Variants in BNC2 observed in about 807,000 individuals in gnomAD.
The protein encoded by BNC2 is zinc finger protein basonuclin-2.
Under a neutral mutation model 76.3 loss-of-function variants are expected in BNC2, and 20 were observed. The ratio of observed to expected loss-of-function variants is 0.26; its 90% CI spans 0.18 to 0.38. The LOEUF (loss-of-function observed/expected upper bound fraction) is 0.38. Among genes scored for constraint, BNC2 ranks in the 10% least tolerant of loss-of-function variants. The pLI is 1.00. For missense variants in BNC2, 1,382 were observed against 1,399.8 expected (o/e 0.99, Z 0.20); for synonymous variants, 582 against 514.8 (o/e 1.13, Z -1.77).
At chr9:16,869,834 T>C (rs541364942) in intron 1 of BNC2, among the ~76,000 whole-genome samples, 12 of 152,172 alleles carry the variant, frequency 7.9e-5, no homozygotes, top group Non-Finnish European at 1.6e-4. Flanking sequence ...ACTTGGAACT[T>C]TTTTTCAACC....
chr9:16,759,502 A>G (rs990277057), intron 1 of BNC2, among the ~76,000 whole-genome samples: 2 of 152,186 alleles, frequency 1.3e-5, no homozygotes, highest in Non-Finnish European at 2.9e-5. Context: ...CACTATCTAT[A>G]TGACTCAGTG....
chr9:16,419,783 TA>T, intron 6 of BNC2, 134 bp from the exon 7 acceptor site: 1 of 676,736 alleles, frequency 1.5e-6, no homozygotes, highest in Non-Finnish European at 2.6e-6. Flanking sequence ...TACACCATTA[TA>T]AAAGCAAGCA....
At chr9:16,508,745 C>A (rs1822687675) in intron 5 of BNC2, among the ~76,000 whole-genome samples, 3 of 152,020 alleles carry the variant, frequency 2.0e-5, no homozygotes, top group Admixed American at 1.3e-4. Context: ...TTTCTTCTAT[C>A]CAGGATATTC....
intron 1 of BNC2, among the ~76,000 whole-genome samples, chr9:16,740,991 T>G (rs1391155489): frequency 1.3e-5 from 2 of 152,192 alleles, no homozygotes; most frequent in African/African-American, 4.8e-5. Flanking sequence ...AACTGTACAC[T>G]TCTTAAAAGA....
At chr9:16,823,359 G>A (rs929762174) in intron 1 of BNC2, among the ~76,000 whole-genome samples, 2 of 151,564 alleles carry the variant, frequency 1.3e-5, no homozygotes, top group African/African-American at 4.9e-5. Context: ...GGGAGGCCAA[G>A]GTGGGAGGAT....
At chr9:16,429,147 G>A (rs4601432) in intron 6 of BNC2, among the ~76,000 whole-genome samples, 2 of 152,026 alleles carry the variant, frequency 1.3e-5, no homozygotes, top group South Asian at 4.2e-4. Context: ...TTCTGAGAAG[G>A]CTTTAAAAAA....
chr9:16,508,125 T>TA (rs1468121163), intron 5 of BNC2, among the ~76,000 whole-genome samples: 2 of 152,180 alleles, frequency 1.3e-5, no homozygotes, highest in Non-Finnish European at 2.9e-5. Flanking sequence ...CATATAAAGT[T>TA]TAAGTACTGC....
intron 1 of BNC2, among the ~76,000 whole-genome samples, chr9:16,748,024 A>G (rs1180860051): frequency 2.0e-5 from 3 of 152,232 alleles, no homozygotes. Context: ...ATGGAAAAAA[A>G]AACTGTAAAT....
chr9:16,425,166 C>G (rs1820780525), intron 6 of BNC2, among the ~76,000 whole-genome samples: 1 of 152,136 alleles, frequency 6.6e-6, no homozygotes, highest in Non-Finnish European at 1.5e-5. Context: ...CAACCCCTTT[C>G]AATATAAAAC....
chr9:16,538,849 T>C (rs1183115236), intron 5 of BNC2, among the ~76,000 whole-genome samples: 1 of 152,196 alleles, frequency 6.6e-6, no homozygotes, highest in Admixed American at 6.5e-5. Flanking sequence ...AGTAAATTGG[T>C]AGTATGTCCA....
Position 16,728,316 on chromosome 9 carries a change from T to C in BNC2, c.130-319A>G, listed in dbSNP as rs545675982. On this transcript the variant is annotated intron_variant, in intron 2 of 6. Transcript: ENST00000380672. ...GCAGAGCTAAGAGTCAACTGCACTG[T>C]TCCACTGTCAGGCACCAAATGACAC... 8 of 426,716 alleles carry C rather than the reference T, an allele frequency of 1.9e-5. No homozygotes were observed. The East Asian group carries it at 4.2e-4, about 23-fold the overall frequency. The allele number at this position is 426,716 out of a possible 1,614,324, so 26.4% of individuals were successfully genotyped here. A position where few individuals can be genotyped will look rare whatever the true frequency, so the allele number is the denominator to read the frequency against.
intron 5 of BNC2, among the ~76,000 whole-genome samples, chr9:16,506,511 C>CTTTTTTTTTTTTTTTTTTTTT (rs1563814965): frequency 1.2e-5 from 1 of 81,428 alleles, no homozygotes; most frequent in African/African-American, 5.5e-5. Context: ...TCTCTCTCTC[C>CTTTTTTTTTTTTTTTTTTTTT]TCTTTTTTTT....
intron 1 of BNC2, among the ~76,000 whole-genome samples, chr9:16,773,115 T>G (rs1219696210): frequency 6.6e-6 from 1 of 152,120 alleles, no homozygotes; most frequent in Admixed American, 6.6e-5. Flanking sequence ...CTGTCCTGAT[T>G]GCTGTTCTTT....
At chr9:16,765,113 A>G (rs182011337) in intron 1 of BNC2, among the ~76,000 whole-genome samples, 1 of 152,322 alleles carries the variant, frequency 6.6e-6, no homozygotes, top group African/African-American at 2.4e-5. Flanking sequence ...CGTTTGTACT[A>G]TCCACACTCT....
At chr9:16,620,950 G>A (rs1028433976) in intron 3 of BNC2, among the ~76,000 whole-genome samples, 17 of 152,106 alleles carry the variant, frequency 1.1e-4, no homozygotes, top group Admixed American at 2.0e-4. Flanking sequence ...GGGAAACCTC[G>A]ACTTTCCACT....
chr9:16,830,972 G>A (rs1818565117), intron 1 of BNC2, among the ~76,000 whole-genome samples: 1 of 152,200 alleles, frequency 6.6e-6, no homozygotes, highest in Admixed American at 6.5e-5. Flanking sequence ...CTGGCTGAAT[G>A]AAGCCAGTAA....
At chr9:16,454,818 C>G (rs991314374) in intron 5 of BNC2, among the ~76,000 whole-genome samples, 1 of 152,168 alleles carries the variant, frequency 6.6e-6, no homozygotes. Context: ...ATAATATACT[C>G]AGAAATAAGA....
At chr9:16,673,328 T>C (rs532033567) in intron 3 of BNC2, among the ~76,000 whole-genome samples, 4 of 152,092 alleles carry the variant, frequency 2.6e-5, no homozygotes, top group Non-Finnish European at 5.9e-5. Flanking sequence ...TAATAAACTT[T>C]GCACAGTTTT....
Position 16,421,347 on chromosome 9 carries a change from AAGAG to A in BNC2, c.2640-1702_2640-1699del, listed in dbSNP as rs568685333. ...AATAAGAGACAGAGAGAGAGAAAGAAAGAGAAAGAGAGAGAGAGAAAACAAATTC... is the reference window on the plus strand; with the variant it reads ...AATAAGAGACAGAGAGAGAGAAAGAAAAAGAGAGAGAGAGAAAACAAATTC... On this transcript the variant is annotated intron_variant, in intron 6 of 6. Coordinates refer to ENST00000380672, the MANE Select transcript of BNC2 (RefSeq NM_017637.6). 6.9e-6 allele frequency: 8 copies of A among 1,166,424 alleles called. No individual in the cohort carries two copies. In the Admixed American group the frequency reaches 1.2e-4, roughly 18 times the overall value. The allele number at this position is 1,166,424 out of a possible 1,614,324, so 72.3% of individuals were successfully genotyped here.
Sources: gnomAD v4.1 joint callset for allele counts (sites outside exome capture counted in the v4.1 genomes callset) on GRCh38, gnomAD v4.1.1 for gene constraint, MANE v1.5 for transcripts, NCBI Gene and HGNC (gene_info 2026-07-23, HGNC 2026-07-21) for gene names.